SOX6: variants seen among roughly 807,000 people sequenced by gnomAD.
The protein encoded by SOX6 is transcription factor SOX-6.
SOX6 carries 11 observed loss-of-function variants against 97.8 expected under a neutral mutation model. That is an observed-to-expected ratio of 0.11 (90% confidence interval 0.07 to 0.19). The LOEUF (loss-of-function observed/expected upper bound fraction) is 0.19. Among genes scored for constraint, SOX6 ranks in the 10% least tolerant of loss-of-function variants. The pLI is 1.00. For synonymous variants in SOX6, 360 were observed against 371.4 expected, an observed-to-expected ratio of 0.97 and a Z score of 0.35; for missense variants, 810 against 1,039.5, an observed-to-expected ratio of 0.78 and a Z score of 3.04.
intron 4 of SOX6, among the ~76,000 whole-genome samples, chr11:16,528,620 G>C (rs926577917): frequency 5.3e-5 from 8 of 152,062 alleles, no homozygotes; most frequent in African/African-American, 1.9e-4. Context: ...AAGTGAAATA[G>C]GGAAATGTAA....
chr11:16,354,918 A>AG (rs751184697), intron 1 of SOX6, among the ~76,000 whole-genome samples: 2 of 151,998 alleles, frequency 1.3e-5, no homozygotes, highest in African/African-American at 4.8e-5. Flanking sequence ...TTTCTAAATC[A>AG]GGTCTAAAAT....
At chr11:16,599,544 T>C (rs1848245964) in intron 4 of SOX6, among the ~76,000 whole-genome samples, 2 of 152,310 alleles carry the variant, frequency 1.3e-5, no homozygotes, top group South Asian at 2.1e-4. Flanking sequence ...ATAGTTTCAA[T>C]TGATTGTTGT....
At chr11:16,636,186 TG>T (rs1204563416) in intron 3 of SOX6, among the ~76,000 whole-genome samples, 1 of 152,146 alleles carries the variant, frequency 6.6e-6, no homozygotes, top group Non-Finnish European at 1.5e-5. Flanking sequence ...TGAAAGCAGC[TG>T]GGAGGGGGGC....
intron 13 of SOX6, among the ~76,000 whole-genome samples, chr11:15,992,299 A>G (rs947617956): frequency 1.4e-4 from 21 of 152,216 alleles, no homozygotes; most frequent in African/African-American, 5.1e-4. Context: ...AGGGAGGCCA[A>G]CATTTGAAAC....
At chr11:16,028,137 G>A (rs1855262800) in intron 12 of SOX6, among the ~76,000 whole-genome samples, 1 of 152,316 alleles carries the variant, frequency 6.6e-6, no homozygotes, top group African/African-American at 2.4e-5. Context: ...AATAAATTTT[G>A]TACACAGCCT....
intron 1 of SOX6, chr11:16,408,809 T>G (rs560022197): frequency 6.6e-6 from 1 of 152,052 alleles, no homozygotes; most frequent in East Asian, 1.9e-4. Context: ...CCCTAGCAGT[T>G]GAGACTACAG....
intron 6 of SOX6, among the ~76,000 whole-genome samples, chr11:16,156,245 G>A (rs1466827440): frequency 6.6e-6 from 1 of 152,000 alleles, no homozygotes; most frequent in Non-Finnish European, 1.5e-5. Flanking sequence ...AATATCTCAT[G>A]CTTGAACCTT....
At chr11:16,392,475 C>G (rs1372917252) in intron 1 of SOX6, among the ~76,000 whole-genome samples, 1 of 152,022 alleles carries the variant, frequency 6.6e-6, no homozygotes, top group Non-Finnish European at 1.5e-5. Flanking sequence ...CTCTAAAGTG[C>G]TTAAACATGT....
chr11:16,229,900 A>T (rs528903416), intron 4 of SOX6, among the ~76,000 whole-genome samples: 6 of 151,804 alleles, frequency 4.0e-5, no homozygotes, highest in Admixed American at 1.3e-4. Context: ...CAATTCAACT[A>T]TGAACACTGC....
At chr11:16,376,549 T>A (rs1008261581) in intron 1 of SOX6, among the ~76,000 whole-genome samples, 3 of 152,162 alleles carry the variant, frequency 2.0e-5, no homozygotes, top group Non-Finnish European at 4.4e-5. Context: ...GGCTAAAGCC[T>A]ACTTTCAGAA....
chr11:16,488,081 G>T (rs1860463453), intron 4 of SOX6, among the ~76,000 whole-genome samples: 2 of 152,260 alleles, frequency 1.3e-5, no homozygotes, highest in Non-Finnish European at 2.9e-5. Flanking sequence ...TTAAAAGGAA[G>T]AGAGATGCTG....
At chr11:15,986,113 TA>T in intron 15 of SOX6, 90 bp downstream of exon 15, 1 of 1,207,452 alleles carries the variant, frequency 8.3e-7, no homozygotes, top group Non-Finnish European at 1.2e-6. Context: ...CCTCTTTCCC[TA>T]ATCTCCTTCC....
intron 13 of SOX6, among the ~76,000 whole-genome samples, chr11:16,007,464 A>T (rs958084167): frequency 6.6e-6 from 1 of 152,126 alleles, no homozygotes; most frequent in African/African-American, 2.4e-5. Flanking sequence ...GAAGTCAGTA[A>T]CAGAAACTGG....
At chr11:16,192,235 G>A (rs1402598029) in intron 4 of SOX6, among the ~76,000 whole-genome samples, 4 of 152,230 alleles carry the variant, frequency 2.6e-5, no homozygotes, top group Non-Finnish European at 5.9e-5. Context: ...CACTTGTTGT[G>A]AATAGCTTAT....
chr11:16,414,238 C>T (rs891168086), intron 1 of SOX6, among the ~76,000 whole-genome samples: 1 of 152,252 alleles, frequency 6.6e-6, no homozygotes, highest in Admixed American at 6.5e-5. Flanking sequence ...CCAAAAGCTC[C>T]AGATTTTGTT....
intron 1 of SOX6, among the ~76,000 whole-genome samples, chr11:16,441,436 T>C (rs1421127198): frequency 2.0e-5 from 3 of 152,196 alleles, no homozygotes; most frequent in Admixed American, 6.5e-5. Context: ...AGGTGTCCTG[T>C]AGATATTGAT....
intron 4 of SOX6, among the ~76,000 whole-genome samples, chr11:16,551,356 T>C (rs1847684152): frequency 6.6e-6 from 1 of 151,860 alleles, no homozygotes; most frequent in Non-Finnish European, 1.5e-5. Context: ...CTCATTAAAA[T>C]AAATAAATAA....
intron 2 of SOX6, among the ~76,000 whole-genome samples, chr11:16,339,878 A>G (rs1380100369): frequency 2.0e-5 from 3 of 152,094 alleles, no homozygotes; most frequent in East Asian, 1.9e-4. Flanking sequence ...TCAGAAAAAC[A>G]GACTTGCTTT....
intron 7 of SOX6, 42 bp from the exon 8 acceptor site, chr11:16,097,730 G>A: frequency 6.5e-7 from 1 of 1,543,026 alleles, no homozygotes; most frequent in African/African-American, 1.4e-5. Context: ...ACAATGCACA[G>A]GGAATTGCAG....
Sources: gnomAD v4.1 joint callset for allele counts (sites outside exome capture counted in the v4.1 genomes callset) on GRCh38, gnomAD v4.1.1 for gene constraint, MANE v1.5 for transcripts, NCBI Gene and HGNC (gene_info 2026-07-23, HGNC 2026-07-21) for gene names.